PDCD6IP: variants seen among roughly 807,000 people sequenced by gnomAD.
PDCD6IP encodes the protein programmed cell death 6 interacting protein, also known as programmed cell death 6-interacting protein.
PDCD6IP carries 43 observed loss-of-function variants against 103.7 expected under a neutral mutation model. The ratio of observed to expected loss-of-function variants is 0.41; its 90% CI spans 0.32 to 0.53. The LOEUF (loss-of-function observed/expected upper bound fraction) is 0.53. Among genes scored for constraint, PDCD6IP ranks in the 20% least tolerant of loss-of-function variants. PDCD6IP has a pLI of 0.16. For missense variants in PDCD6IP, 871 were observed against 1,036.7 expected, an observed-to-expected ratio of 0.84 and a Z score of 2.20; for synonymous variants, 354 against 378.7, an observed-to-expected ratio of 0.93 and a Z score of 0.76.
Position 33,866,537 on chromosome 3 carries a change from A to G in PDCD6IP, c.*12A>G, listed in dbSNP as rs758473513. The G allele has an allele frequency of 4.4e-6, 7 of 1,583,018 alleles. No individual in the cohort carries two copies. In the East Asian group the frequency reaches 1.4e-4, roughly 31 times the overall value. ...ATCCACAGCAGTAATATGTCTGCTC[A>G]GCAGCTCAGCTGATTCAGATCAGAG... On this transcript the variant is annotated 3_prime_UTR_variant, in exon 18 of 18. Transcript: ENST00000307296.
At position 33,853,017 on chromosome 3, in the gene PDCD6IP, G is replaced by A. The variant is rs183811293; in HGVS notation, c.1890+281G>A. Among the ~76,000 whole-genome samples the A allele has an allele frequency of 9.3e-4, 139 of 150,012 alleles. No homozygotes were observed. In the Middle Eastern group the frequency reaches 0.01, roughly 11 times the overall value. On this transcript the variant is annotated intron_variant, in intron 13 of 17. Coordinates refer to ENST00000307296, the MANE Select transcript of PDCD6IP (RefSeq NM_013374.6). The stretch of plus-strand genomic sequence containing the variant: ...TGGCTCACTGCAAGCTCCGCCTCCC[G>A]GGTTCACGCCATTCTCCCGCTTCAG...
chr3:33,820,262 G>A (rs1696959267), intron 3 of PDCD6IP, among the ~76,000 whole-genome samples: 1 of 147,962 alleles, frequency 6.8e-6, no homozygotes, highest in African/African-American at 2.5e-5. Context: ...CAGCCTGGGT[G>A]AGAGAATGAG....
intron 1 of PDCD6IP, among the ~76,000 whole-genome samples, chr3:33,807,476 G>A (rs931125908): frequency 1.3e-5 from 2 of 152,156 alleles, no homozygotes; most frequent in African/African-American, 2.4e-5. Context: ...TAAATATTCT[G>A]CTTGGCGTTG....
chr3:33,816,484 G>A (rs1696853732), intron 3 of PDCD6IP, among the ~76,000 whole-genome samples: 1 of 131,286 alleles, frequency 7.6e-6, no homozygotes, highest in Non-Finnish European at 1.6e-5. Context: ...CAGCCTGGGT[G>A]ACAGAGCAAG....
intron 4 of PDCD6IP, among the ~76,000 whole-genome samples, chr3:33,823,618 C>G (rs1176632556): frequency 6.6e-6 from 1 of 152,000 alleles, no homozygotes; most frequent in Non-Finnish European, 1.5e-5. Context: ...CCTGTCTGTA[C>G]TAAAAATAGA....
intron 12 of PDCD6IP, among the ~76,000 whole-genome samples, chr3:33,848,087 G>A (rs1315408039): frequency 6.6e-6 from 1 of 152,126 alleles, no homozygotes; most frequent in Non-Finnish European, 1.5e-5. Flanking sequence ...GACTAGTGGA[G>A]GATCTGCAAA....
At chr3:33,809,308 A>T (rs746334595) in intron 1 of PDCD6IP, among the ~76,000 whole-genome samples, 2 of 152,230 alleles carry the variant, frequency 1.3e-5, no homozygotes, top group Non-Finnish European at 2.9e-5. Context: ...TTGTTGAATG[A>T]ATGAATGAGG....
chr3:33,834,766 C>T (rs998478295), intron 7 of PDCD6IP, among the ~76,000 whole-genome samples: 1 of 152,152 alleles, frequency 6.6e-6, no homozygotes, highest in Non-Finnish European at 1.5e-5. Context: ...CTTATCTCTT[C>T]ATCTGGTCAT....
chr3:33,827,188 A>C, intron 6 of PDCD6IP: 1 of 981,474 alleles, frequency 1.0e-6, no homozygotes, highest in Non-Finnish European at 1.2e-6. Context: ...AAGACTATTC[A>C]GTGATGATCA....
intron 6 of PDCD6IP, among the ~76,000 whole-genome samples, chr3:33,828,304 G>T (rs999820040): frequency 6.6e-6 from 1 of 151,928 alleles, no homozygotes; most frequent in African/African-American, 2.4e-5. Flanking sequence ...TTTTTATATG[G>T]CTAAAATCAT....
rs190342898 is a variant in PDCD6IP at position 33,847,794 on chromosome 3, G to A, written c.1641+2206G>A. 9.1e-4 allele frequency among the ~76,000 whole-genome samples: 139 copies of A among 152,292 alleles called. No homozygotes were observed. The Middle Eastern group carries it at 0.01, about 11-fold the overall frequency. On this transcript the variant is annotated intron_variant, in intron 12 of 17. Coordinates refer to ENST00000307296, the MANE Select transcript of PDCD6IP (RefSeq NM_013374.6). Reference sequence around the variant, plus strand: ...TATTAAATACCTAGGATCACTGCTTGTGATTGGTTGCCTATGATGTACTGT... The same window carrying A: ...TATTAAATACCTAGGATCACTGCTTATGATTGGTTGCCTATGATGTACTGT...
chr3:33,801,905 C>T (rs1263125375), intron 1 of PDCD6IP, among the ~76,000 whole-genome samples: 1 of 152,122 alleles, frequency 6.6e-6, no homozygotes, highest in Non-Finnish European at 1.5e-5. Flanking sequence ...TAAATTTTAT[C>T]CTGGGGAATG....
Position 33,845,462 on chromosome 3 carries a change from A to G in PDCD6IP, c.1515A>G (p.Ala505=). The G allele has an allele frequency of 6.2e-7, 1 of 1,614,126 alleles. No individual in the cohort carries two copies. The highest frequency in any genetic ancestry group is 8.5e-7 in the Non-Finnish European group (1 of 1,179,956). ...FRTVLDKAVQ[A]DGQVKECYQS... ...CAGTTTTAGATAAAGCTGTGCAGGC[A>G]GATGGACAAGTGAAAGAATGTTACC... Residue 505 remains alanine, a synonymous_variant, in exon 12 of 18, where the codon GCA becomes GCG. Transcript: ENST00000307296.
chr3:33,827,327 T>C (rs1323949911), intron 6 of PDCD6IP: 1 of 523,912 alleles, frequency 1.9e-6, no homozygotes, highest in Non-Finnish European at 2.4e-6. Flanking sequence ...CATCATATGG[T>C]ATCTGTTACA....
chr3:33,801,797 T>C (rs1192079049), intron 1 of PDCD6IP, among the ~76,000 whole-genome samples: 1 of 152,236 alleles, frequency 6.6e-6, no homozygotes, highest in East Asian at 1.9e-4. Context: ...GCTCCAGATA[T>C]ACCATTTACC....
chr3:33,852,922 CTT>C (rs1697750338), intron 13 of PDCD6IP, among the ~76,000 whole-genome samples, 186 bp downstream of exon 13: 1 of 134,642 alleles, frequency 7.4e-6, no homozygotes, highest in Non-Finnish European at 1.6e-5. Context: ...AACAAAGTCA[CTT>C]CTTTTTTTTT....
chr3:33,808,533 C>T (rs1696647628), intron 1 of PDCD6IP, among the ~76,000 whole-genome samples: 1 of 152,194 alleles, frequency 6.6e-6, no homozygotes, highest in Non-Finnish European at 1.5e-5. Flanking sequence ...CCTACCTCAG[C>T]CTCCCAAAGT....
intron 1 of PDCD6IP, among the ~76,000 whole-genome samples, chr3:33,809,891 C>T (rs1696678988): frequency 6.6e-6 from 1 of 152,114 alleles, no homozygotes; most frequent in Admixed American, 6.6e-5. Flanking sequence ...TGCATTTTTG[C>T]ATAGGAGTAC....
At chr3:33,841,026 CTT>C (rs552141831) in intron 9 of PDCD6IP, among the ~76,000 whole-genome samples, 1 of 140,732 alleles carries the variant, frequency 7.1e-6, no homozygotes. Context: ...TATTTTTTGA[CTT>C]TTTTTTTTTT....
Sources: allele counts gnomAD v4.1 joint callset (sites outside exome capture counted in the v4.1 genomes callset), GRCh38; gene constraint gnomAD v4.1.1; transcripts MANE v1.5; gene names NCBI Gene and HGNC (gene_info 2026-07-23, HGNC 2026-07-21).